The following LRFN5 variants were observed in gnomAD, a reference collection of about 807,000 sequenced individuals.
The protein encoded by LRFN5 is leucine-rich repeat and fibronectin type-III domain-containing protein 5.
In LRFN5, 24 loss-of-function variants were observed where a neutral mutation model predicts 45.6. The ratio of observed to expected loss-of-function variants is 0.53; its 90% CI spans 0.38 to 0.74. The LOEUF (loss-of-function observed/expected upper bound fraction) is 0.74, where lower values mean the gene tolerates loss of function less well. LRFN5 is among the 30% of genes least tolerant of loss of function. The pLI, the probability that LRFN5 is intolerant of heterozygous loss-of-function variation, is 0.00. For missense variants in LRFN5, 776 were observed against 861.5 expected, an observed-to-expected ratio of 0.90 and a Z score of 1.24; for synonymous variants, 340 against 313.8, an observed-to-expected ratio of 1.08 and a Z score of -0.88.
chr14:41,833,692 C>A (rs1455592042), intron 2 of LRFN5, among the ~76,000 whole-genome samples: 2 of 152,176 alleles, frequency 1.3e-5, no homozygotes, highest in Non-Finnish European at 2.9e-5. Flanking sequence ...TCAGTATTGG[C>A]TTTTGGGCAA....
chr14:41,859,106 A>G (rs529153967), intron 2 of LRFN5, among the ~76,000 whole-genome samples: 1 of 152,292 alleles, frequency 6.6e-6, no homozygotes, highest in Non-Finnish European at 1.5e-5. Context: ...TGGTGAAATT[A>G]TTCTCACCAG....
intron 2 of LRFN5, among the ~76,000 whole-genome samples, chr14:41,846,884 G>A (rs539000602): frequency 6.6e-6 from 1 of 152,160 alleles, no homozygotes; most frequent in South Asian, 2.1e-4. Context: ...CATATTCTTG[G>A]TCTATGGCCC....
intron 1 of LRFN5, among the ~76,000 whole-genome samples, chr14:41,632,963 T>C (rs1888602672): frequency 6.6e-6 from 1 of 152,168 alleles, no homozygotes; most frequent in African/African-American, 2.4e-5. Flanking sequence ...TTCTGTGCTA[T>C]TTTATAGTTA....
At chr14:41,836,641 C>G (rs1383481056) in intron 2 of LRFN5, among the ~76,000 whole-genome samples, 1 of 152,122 alleles carries the variant, frequency 6.6e-6, no homozygotes, top group Non-Finnish European at 1.5e-5. Flanking sequence ...ACAACTGGAT[C>G]AAATATTACC....
chr14:41,870,263 T>G lies in LRFN5; in HGVS notation c.-20-16343T>G, dbSNP rs182555832. ...CCAGCAATTAAGAGAGGGAAGCTGC[T>G]GTTTGGAGTCTCTAACTTCAGGAAA... On this transcript the variant is annotated intron_variant, in intron 2 of 5. Coordinates refer to ENST00000298119, the MANE Select transcript of LRFN5 (RefSeq NM_152447.5). 3.3e-5 allele frequency among the ~76,000 whole-genome samples: 5 copies of G among 152,324 alleles called. No homozygotes were observed. In the East Asian group the frequency reaches 9.6e-4, roughly 29 times the overall value.
rs550736356 is a variant in LRFN5, at chr14:41,902,982, G to A, written c.2143-1176G>A. Among the ~76,000 whole-genome samples the A allele has an allele frequency of 2.2e-3, 337 of 151,558 alleles. 2 individuals are homozygous for A. The highest frequency in any genetic ancestry group is 7.8e-3 in the African/African-American group (324 of 41,458). On this transcript the variant is annotated intron_variant, in intron 5 of 5. Coordinates refer to ENST00000298119, the MANE Select transcript of LRFN5 (RefSeq NM_152447.5). ...TCTTAGTATATTCCAGGTAAATTAT[G>A]ATAATAATATCTATATTTCAGTAGC...
intron 2 of LRFN5, among the ~76,000 whole-genome samples, chr14:41,854,729 G>A (rs1889393400): frequency 1.3e-5 from 2 of 152,144 alleles, no homozygotes; most frequent in South Asian, 2.1e-4. Flanking sequence ...GCTTGTGCAT[G>A]TGAAGATGAG....
chr14:41,763,235 A>C (rs959647432), intron 1 of LRFN5, among the ~76,000 whole-genome samples: 2 of 152,222 alleles, frequency 1.3e-5, no homozygotes, highest in Admixed American at 1.3e-4. Flanking sequence ...ATTTTGAAAG[A>C]GAAAAATGGT....
At chr14:41,858,264 C>A (rs895021438) in intron 2 of LRFN5, among the ~76,000 whole-genome samples, 1 of 152,132 alleles carries the variant, frequency 6.6e-6, no homozygotes, top group African/African-American at 2.4e-5. Context: ...TTACCACTCT[C>A]TCCAAGCACC....
chr14:41,647,549 G>C (rs1490323772), intron 1 of LRFN5, among the ~76,000 whole-genome samples: 3 of 152,184 alleles, frequency 2.0e-5, no homozygotes, highest in African/African-American at 7.2e-5. Context: ...GGTAACTGAA[G>C]GGGGCAGAGA....
At chr14:41,614,070 G>C (rs1027035187) in intron 1 of LRFN5, among the ~76,000 whole-genome samples, 8 of 151,924 alleles carry the variant, frequency 5.3e-5, no homozygotes, top group Non-Finnish European at 1.2e-4. Flanking sequence ...ATCTCCTTTG[G>C]AAATATAGGA....
At chr14:41,754,989 T>A (rs1245920011) in intron 1 of LRFN5, among the ~76,000 whole-genome samples, 3 of 152,180 alleles carry the variant, frequency 2.0e-5, no homozygotes, top group Non-Finnish European at 4.4e-5. Flanking sequence ...GGTTTCAAAG[T>A]ACATCTTTAT....
chr14:41,665,131 T>A (rs142071111), intron 1 of LRFN5, among the ~76,000 whole-genome samples: 6 of 152,096 alleles, frequency 3.9e-5, no homozygotes, highest in African/African-American at 1.2e-4. Context: ...TTTCTGACAA[T>A]TTTTTTGTTT....
intron 2 of LRFN5, among the ~76,000 whole-genome samples, chr14:41,880,835 T>C (rs1429133240): frequency 1.3e-5 from 2 of 152,186 alleles, no homozygotes; most frequent in East Asian, 3.9e-4. Flanking sequence ...ATTCAGTGTT[T>C]TCGTGGTTTC....
chr14:41,754,011 A>G (rs544417370), intron 1 of LRFN5, among the ~76,000 whole-genome samples: 71 of 152,290 alleles, frequency 4.7e-4, no homozygotes, highest in Non-Finnish European at 8.2e-4. Flanking sequence ...TTCTGCATCT[A>G]TTGAGATAAA....
intron 2 of LRFN5, among the ~76,000 whole-genome samples, chr14:41,840,495 A>T (rs1888821643): frequency 6.6e-6 from 1 of 152,118 alleles, no homozygotes; most frequent in South Asian, 2.1e-4. Context: ...AATATGCACA[A>T]AACATCAAAA....
chr14:41,802,766 TCCAAAAATATC>T (rs1887382450), intron 2 of LRFN5, among the ~76,000 whole-genome samples: 1 of 152,002 alleles, frequency 6.6e-6, no homozygotes, highest in African/African-American at 2.4e-5. Context: ...AGCTTTAGGC[TCCAAAAATATC>T]ACTTACTCAG....
intron 1 of LRFN5, among the ~76,000 whole-genome samples, chr14:41,694,756 TATCTGTTATGGGG>T (rs1343579080): frequency 6.6e-6 from 1 of 151,988 alleles, no homozygotes; most frequent in Admixed American, 6.6e-5. Context: ...ATTATTATTG[TATCTGTTATGGGG>T]ATCTGTGGTC....
chr14:41,794,612 A>G (rs1349918169), intron 2 of LRFN5, among the ~76,000 whole-genome samples: 1 of 152,084 alleles, frequency 6.6e-6, no homozygotes, highest in Non-Finnish European at 1.5e-5. Context: ...AAAGTTCAAG[A>G]TGAGCTTAGA....
Sources: allele counts gnomAD v4.1 joint callset (sites outside exome capture counted in the v4.1 genomes callset), GRCh38; gene constraint gnomAD v4.1.1; transcripts MANE v1.5; gene names NCBI Gene and HGNC (gene_info 2026-07-23, HGNC 2026-07-21).